The following METTL15 variants were observed in gnomAD, a reference collection of about 807,000 sequenced individuals.
METTL15 encodes 12S rRNA N(4)-cytidine methyltransferase METTL15.
A neutral mutation model predicts 38.3 loss-of-function variants in METTL15; 34 were observed. The observed-to-expected ratio is 0.89, with a 90% CI of 0.68 to 1.18. The LOEUF (loss-of-function observed/expected upper bound fraction) is 1.18. Among genes scored for constraint, METTL15 ranks in the 50% most tolerant of loss-of-function variants. METTL15 has a pLI of 0.00. For missense variants in METTL15, 438 were observed against 498.4 expected, an observed-to-expected ratio of 0.88 and a Z score of 1.15; for synonymous variants, 162 against 170.9, an observed-to-expected ratio of 0.95 and a Z score of 0.41.
At chr11:28,517,326 T>A (rs1019877887) in intron 6 of METTL15, 12 of 152,118 alleles carry the variant, frequency 7.9e-5, no homozygotes, top group East Asian at 1.9e-4. Flanking sequence ...GTAGGTTTTT[T>A]AATTTATTTA....
rs537122587 is a variant in METTL15, at chr11:28,311,561, T to C, written c.778+14630T>C. Among the ~76,000 whole-genome samples the C allele has an allele frequency of 9.2e-5, 14 of 152,316 alleles. No homozygotes were observed. In the South Asian group the frequency reaches 2.7e-3, roughly 29 times the overall value. On this transcript the variant is annotated intron_variant, in intron 6 of 6. Coordinates refer to ENST00000407364, the MANE Select transcript of METTL15 (RefSeq NM_001113528.2). ...TGAATACTTTACATCTCTTAGAACATGTGTTAAAGGAATCAATAGACTGCC... is the reference window on the plus strand; with the variant it reads ...TGAATACTTTACATCTCTTAGAACACGTGTTAAAGGAATCAATAGACTGCC...
At chr11:28,294,394 A>G (rs919280090) in intron 5 of METTL15, among the ~76,000 whole-genome samples, 1 of 152,200 alleles carries the variant, frequency 6.6e-6, no homozygotes, top group Non-Finnish European at 1.5e-5. Flanking sequence ...TATCCCTGTG[A>G]TGAAGACGGA....
chr11:28,525,376 G>C (rs1026800508), intron 6 of METTL15, among the ~76,000 whole-genome samples: 4 of 152,058 alleles, frequency 2.6e-5, no homozygotes, highest in African/African-American at 7.2e-5. Context: ...GGTTCTCCAC[G>C]TCCCCACTAG....
At chr11:28,421,129 T>C (rs7931441) in intron 5 of METTL15, among the ~76,000 whole-genome samples, 8,350 of 151,974 alleles carry the variant, frequency 0.055, 403 homozygotes, top group African/African-American at 0.13. Context: ...ATAAAATTTC[T>C]AGATACACAC....
intron 3 of METTL15, among the ~76,000 whole-genome samples, chr11:28,175,627 A>T (rs1851043879): frequency 6.6e-6 from 1 of 152,180 alleles, no homozygotes; most frequent in Admixed American, 6.5e-5. Context: ...ATCTCCTCAT[A>T]TCTCAGTAAA....
rs759183353 is a variant in METTL15, at chr11:28,261,857, C to T, written c.408-28349C>T. On this transcript the variant is annotated intron_variant, in intron 4 of 6. Coordinates refer to ENST00000407364, the MANE Select transcript of METTL15 (RefSeq NM_001113528.2). ...ACTATGTGCTAATCAATGTTCTTAA[C>T]ACTTTGCAAGTGTTATTTAATCTTC... is the stretch of plus-strand genomic sequence containing the variant. 3.3e-5 allele frequency among the ~76,000 whole-genome samples: 5 copies of T among 152,258 alleles called. No individual in the cohort carries two copies. The South Asian group carries it at 8.3e-4, about 25-fold the overall frequency.
chr11:28,521,011 ACTT>A (rs939748008), intron 6 of METTL15, among the ~76,000 whole-genome samples: 7 of 149,908 alleles, frequency 4.7e-5, no homozygotes, highest in African/African-American at 1.7e-4. Context: ...AAACTATCAA[ACTT>A]CTTTTTTTTT....
intron 6 of METTL15, among the ~76,000 whole-genome samples, chr11:28,469,075 T>C (rs1315303423): frequency 1.3e-5 from 2 of 152,198 alleles, no homozygotes; most frequent in Non-Finnish European, 2.9e-5. Flanking sequence ...GGTTTAGTGA[T>C]TTATTTAGTC....
intron 6 of METTL15, among the ~76,000 whole-genome samples, chr11:28,458,155 C>T (rs771137040): frequency 7.2e-5 from 11 of 152,152 alleles, no homozygotes; most frequent in Non-Finnish European, 1.6e-4. Flanking sequence ...GAAAATACCT[C>T]TTTTGGCTTT....
chr11:28,140,140 G>T (rs1345481967), intron 3 of METTL15, among the ~76,000 whole-genome samples: 1 of 152,290 alleles, frequency 6.6e-6, no homozygotes, highest in African/African-American at 2.4e-5. Context: ...CCCTTGGGGT[G>T]GGGGTGTGAG....
rs749799326 is a variant in METTL15, at chr11:28,342,429, A to AT, written c.*190-9647dup. ...AGGTGTGTGGCACCAGGCTGGGCTA[A>AT]TTTTTTTTTTTTTTGTAGGGACAGG... is the stretch of plus-strand genomic sequence containing the variant. On this transcript the variant is annotated intron_variant and NMD_transcript_variant, in intron 3 of 7. Coordinates refer to the METTL15 transcript ENST00000532947. Among the ~76,000 whole-genome samples the AT allele has an allele frequency of 7.8e-3, 1,110 of 142,712 alleles. 4 individuals are homozygous for AT. The highest frequency in any genetic ancestry group is 0.041 in the East Asian group (199 of 4,862). 93.6% of individuals were successfully genotyped at this position (142,712 alleles called of 152,430 possible).
intron 6 of METTL15, among the ~76,000 whole-genome samples, chr11:28,505,841 C>T (rs931748750): frequency 2.6e-5 from 4 of 152,128 alleles, no homozygotes; most frequent in South Asian, 2.1e-4. Context: ...TGTGTAATGA[C>T]GATGGATTGA....
At chr11:28,369,016 A>C (rs1327395775) in intron 5 of METTL15, among the ~76,000 whole-genome samples, 8 of 151,828 alleles carry the variant, frequency 5.3e-5, no homozygotes, top group Non-Finnish European at 8.8e-5. Context: ...GTGGGGAGCT[A>C]GGGGAGGGAT....
intron 5 of METTL15, among the ~76,000 whole-genome samples, chr11:28,379,250 A>G (rs559537267): frequency 3.3e-5 from 5 of 151,954 alleles, no homozygotes; most frequent in East Asian, 1.9e-4. Flanking sequence ...TTCTTCCACT[A>G]ATTTTGGGTT....
intron 4 of METTL15, among the ~76,000 whole-genome samples, chr11:28,226,869 T>A (rs2133875174): frequency 6.6e-6 from 1 of 152,026 alleles, no homozygotes; most frequent in African/African-American, 2.4e-5. Flanking sequence ...GGAGGTCAGT[T>A]CTGTCATACA....
intron 4 of METTL15, among the ~76,000 whole-genome samples, 193 bp downstream of exon 4, chr11:28,211,391 A>T (rs180980161): frequency 2.6e-5 from 4 of 152,010 alleles, no homozygotes. Context: ...TTTTCCAGTT[A>T]TCCTTTCTGA....
chr11:28,174,737 G>A (rs1212884824), intron 3 of METTL15, among the ~76,000 whole-genome samples: 1 of 150,384 alleles, frequency 6.6e-6, no homozygotes, highest in African/African-American at 2.4e-5. Flanking sequence ...ATGGTATGAA[G>A]CCGGGGGGCG....
At chr11:28,408,898 C>G (rs867235886) in intron 5 of METTL15, among the ~76,000 whole-genome samples, 6 of 152,018 alleles carry the variant, frequency 3.9e-5, no homozygotes, top group Middle Eastern at 3.4e-3. Context: ...TTTACCACAC[C>G]CTCTTTCAAC....
intron 4 of METTL15, among the ~76,000 whole-genome samples, chr11:28,253,562 T>G (rs1590221157): frequency 6.6e-6 from 1 of 152,194 alleles, no homozygotes; most frequent in East Asian, 1.9e-4. Context: ...TCTTTCTATT[T>G]TTTTTCTTTT....
Sources: allele counts gnomAD v4.1 joint callset (sites outside exome capture counted in the v4.1 genomes callset), GRCh38; gene constraint gnomAD v4.1.1; transcripts MANE v1.5; gene names NCBI Gene and HGNC (gene_info 2026-07-23, HGNC 2026-07-21).